CDH4: variants seen among roughly 807,000 people sequenced by gnomAD.
The protein encoded by CDH4 is cadherin 4, also known as cadherin-4.
A neutral mutation model predicts 86.0 loss-of-function variants in CDH4; 33 were observed. The ratio of observed to expected loss-of-function variants is 0.38; its 90% CI spans 0.29 to 0.51. The LOEUF (loss-of-function observed/expected upper bound fraction) is 0.51. CDH4 is among the 20% of genes least tolerant of loss of function. The probability of loss-of-function intolerance (pLI) is 0.86; values close to 1 mark genes in which losing one functional copy is unlikely to be tolerated. For synonymous variants in CDH4, 555 were observed against 549.4 expected, an observed-to-expected ratio of 1.01 and a Z score of -0.14; for missense variants, 1,114 against 1,307.4, an observed-to-expected ratio of 0.85 and a Z score of 2.28.
chr20:61,674,309 A>AGCATGCT (rs1568748068), intron 2 of CDH4, among the ~76,000 whole-genome samples: 1 of 152,204 alleles, frequency 6.6e-6, no homozygotes, highest in Non-Finnish European at 1.5e-5. Context: ...TTGGAGCAGG[A>AGCATGCT]GTCACAGCAT....
chr20:61,774,678 C>T (rs987523584), intron 4 of CDH4, among the ~76,000 whole-genome samples: 1 of 107,690 alleles, frequency 9.3e-6, no homozygotes, highest in African/African-American at 3.2e-5. Context: ...TCTCCTTCTG[C>T]CCCACCCCTC....
intron 2 of CDH4, among the ~76,000 whole-genome samples, chr20:61,368,071 A>G (rs1009242236): frequency 4.6e-5 from 7 of 152,042 alleles, no homozygotes; most frequent in African/African-American, 1.7e-4. Flanking sequence ...GGGTTTCACC[A>G]TGTTGGTCAG....
At chr20:61,771,394 C>T (rs547312707) in intron 3 of CDH4, among the ~76,000 whole-genome samples, 156 of 151,556 alleles carry the variant, frequency 1.0e-3, no homozygotes, top group Non-Finnish European at 1.9e-3. Flanking sequence ...AAGGCCAACA[C>T]GGGCGGATTA....
intron 2 of CDH4, among the ~76,000 whole-genome samples, chr20:61,599,249 C>G (rs2086579697): frequency 6.6e-6 from 1 of 152,162 alleles, no homozygotes; most frequent in African/African-American, 2.4e-5. Context: ...CAGCCAAGGG[C>G]TGTGCCCTCT....
At chr20:61,609,946 T>A (rs1007525815) in intron 2 of CDH4, among the ~76,000 whole-genome samples, 1 of 152,228 alleles carries the variant, frequency 6.6e-6, no homozygotes, top group African/African-American at 2.4e-5. Flanking sequence ...CAAACCAGGA[T>A]CATCGGGGTA....
intron 2 of CDH4, among the ~76,000 whole-genome samples, chr20:61,310,865 A>G (rs2084441773): frequency 6.6e-6 from 1 of 152,080 alleles, no homozygotes; most frequent in Admixed American, 6.6e-5. Flanking sequence ...GTCACCTCAG[A>G]TTGGAGCCCA....
intron 2 of CDH4, among the ~76,000 whole-genome samples, chr20:61,310,685 C>T (rs1600855546): frequency 1.3e-5 from 2 of 149,072 alleles, no homozygotes; most frequent in African/African-American, 2.4e-5. Context: ...AACAGGAGGT[C>T]GTTTCCTCAC....
intron 2 of CDH4, among the ~76,000 whole-genome samples, chr20:61,307,340 A>G (rs928621770): frequency 6.6e-6 from 1 of 151,282 alleles, no homozygotes; most frequent in Non-Finnish European, 1.5e-5. Context: ...CCTTGCATGT[A>G]TCATTAGGCA....
intron 4 of CDH4, among the ~76,000 whole-genome samples, chr20:61,843,407 A>G (rs77960089): frequency 3.6e-5 from 5 of 138,390 alleles, no homozygotes; most frequent in South Asian, 2.3e-4. Flanking sequence ...CCGAGATTGC[A>G]CCACTGCAGT....
chr20:61,424,831 C>A (rs1487259982), intron 2 of CDH4, among the ~76,000 whole-genome samples: 1 of 152,268 alleles, frequency 6.6e-6, no homozygotes, highest in East Asian at 1.9e-4. Context: ...CAGTGCCCCC[C>A]ACAGAGCAAG....
intron 2 of CDH4, chr20:61,718,808 A>G (rs1272276966): frequency 4.2e-6 from 2 of 471,058 alleles, no homozygotes; most frequent in Non-Finnish European, 8.8e-6. Context: ...AGGAGGCTGC[A>G]CCCACCATCC....
intron 9 of CDH4, among the ~76,000 whole-genome samples, chr20:61,914,500 A>C (rs2054884553): frequency 6.6e-6 from 1 of 152,176 alleles, no homozygotes; most frequent in South Asian, 2.1e-4. Context: ...GTGCGGGCTC[A>C]GCCTCGGCAG....
chr20:61,484,683 G>C (rs905910211), intron 2 of CDH4, among the ~76,000 whole-genome samples: 1 of 152,182 alleles, frequency 6.6e-6, no homozygotes, highest in Non-Finnish European at 1.5e-5. Context: ...GAAGGTACCT[G>C]TGTGCTCATC....
rs544467825 is a variant in CDH4, at chr20:61,671,204, T to C, written c.170-72359T>C. 4.6e-5 allele frequency among the ~76,000 whole-genome samples: 7 copies of C among 151,814 alleles called. No individual in the cohort carries two copies. The South Asian group carries it at 1.5e-3, about 32-fold the overall frequency. On this transcript the variant is annotated intron_variant, in intron 2 of 15. Transcript: ENST00000614565. Reference sequence around the variant, plus strand: ...GATCATTGGATGGATGGATAAAGAATAAGTGGACCAGGTGCAGTGGCTCAT... The same window carrying C: ...GATCATTGGATGGATGGATAAAGAACAAGTGGACCAGGTGCAGTGGCTCAT...
intron 2 of CDH4, among the ~76,000 whole-genome samples, chr20:61,743,339 G>T (rs936672723): frequency 6.6e-6 from 1 of 152,240 alleles, no homozygotes; most frequent in Non-Finnish European, 1.5e-5. Flanking sequence ...TAGAATGGAA[G>T]CTCAGTGTTG....
At chr20:61,837,691 CAGTG>C (rs1389722630) in intron 4 of CDH4, among the ~76,000 whole-genome samples, 1 of 152,128 alleles carries the variant, frequency 6.6e-6, no homozygotes, top group Non-Finnish European at 1.5e-5. Context: ...GGGACAGACA[CAGTG>C]AGAAGCAGGC....
intron 2 of CDH4, among the ~76,000 whole-genome samples, chr20:61,630,607 G>C (rs1233211564): frequency 6.6e-6 from 1 of 152,120 alleles, no homozygotes; most frequent in African/African-American, 2.4e-5. Context: ...CTCCTCTTGG[G>C]GAAGAAGTCA....
At chr20:61,496,956 ATTTTT>A (rs59603072) in intron 2 of CDH4, among the ~76,000 whole-genome samples, 3 of 108,592 alleles carry the variant, frequency 2.8e-5, no homozygotes, top group African/African-American at 9.5e-5. Flanking sequence ...TTGGGGATTG[ATTTTT>A]TTTTTTTTTT....
At position 61,653,701 on chromosome 20, in the gene CDH4, C is replaced by T. The variant is rs1407067737; in HGVS notation, c.170-89862C>T. Among the ~76,000 whole-genome samples the T allele has an allele frequency of 2.8e-3, 311 of 112,596 alleles. 2 individuals are homozygous for T. Among genetic ancestry groups the T allele is most frequent in the Admixed American group, 4.0e-3 (47 of 11,634 alleles). The allele number at this position is 112,596 out of a possible 152,430, so 73.9% of individuals were successfully genotyped here. ...CCGGGCAGAGACGCTCCTCACCTCC[C>T]AGACGGGGTCGCAGCCGGGCAGAGG... On this transcript the variant is annotated intron_variant, in intron 2 of 15. Coordinates refer to ENST00000614565, the MANE Select transcript of CDH4 (RefSeq NM_001794.5).
Sources: gnomAD v4.1 joint callset for allele counts (sites outside exome capture counted in the v4.1 genomes callset) on GRCh38, gnomAD v4.1.1 for gene constraint, MANE v1.5 for transcripts, NCBI Gene and HGNC (gene_info 2026-07-23, HGNC 2026-07-21) for gene names.